The following SLC41A2 variants were observed in gnomAD, a reference collection of about 807,000 sequenced individuals.
SLC41A2 encodes the protein SLC41A1-like 1.
SLC41A2 carries 32 observed loss-of-function variants against 58.3 expected under a neutral mutation model. That is an observed-to-expected ratio of 0.55 (90% CI 0.41 to 0.74). The LOEUF (loss-of-function observed/expected upper bound fraction) is 0.74, where lower values mean the gene tolerates loss of function less well. Among genes scored for constraint, SLC41A2 ranks in the 30% least tolerant of loss-of-function variants. SLC41A2 has a pLI of 0.00. For missense variants in SLC41A2, 514 were observed against 680.6 expected, an observed-to-expected ratio of 0.76 and a Z score of 2.72; for synonymous variants, 190 against 235.0, an observed-to-expected ratio of 0.81 and a Z score of 1.75.
rs138718840 is a variant in SLC41A2, at chr12:104,834,285, G to A, written c.1536+10187C>T. Reference sequence around the variant, plus strand: ...TCACACATAACAAAAATGCAATCACGAGGCTGTTAAAAAATAATCTCAAAA... The same window carrying A: ...TCACACATAACAAAAATGCAATCACAAGGCTGTTAAAAAATAATCTCAAAA... On this transcript the variant is annotated intron_variant, in intron 10 of 10. Transcript: ENST00000258538. 430 of 606,894 alleles carry A rather than the reference G, an allele frequency of 7.1e-4. 1 individual carries two copies. Among genetic ancestry groups the A allele is most frequent in the Middle Eastern group, 6.3e-3 (8 of 1,260 alleles). The allele number at this position is 606,894 out of a possible 1,614,324, so 37.6% of individuals were successfully genotyped here. A position where few individuals can be genotyped will look rare whatever the true frequency, so the allele number is the denominator to read the frequency against.
At chr12:104,934,215 A>C (rs1348931056) in intron 1 of SLC41A2, among the ~76,000 whole-genome samples, 2 of 152,190 alleles carry the variant, frequency 1.3e-5, no homozygotes, top group African/African-American at 4.8e-5. Context: ...TAAGAAATAA[A>C]ATTGGGCAGT....
At chr12:104,903,559 T>C (rs1205169309) in intron 3 of SLC41A2, among the ~76,000 whole-genome samples, 2 of 152,208 alleles carry the variant, frequency 1.3e-5, no homozygotes, top group Non-Finnish European at 2.9e-5. Context: ...GGCTGAGAAT[T>C]TGTATTTCTA....
At chr12:104,944,496 T>C (rs187758028) in intron 1 of SLC41A2, among the ~76,000 whole-genome samples, 78 of 152,370 alleles carry the variant, frequency 5.1e-4, no homozygotes, top group African/African-American at 1.8e-3. Context: ...CACAGTATCA[T>C]GTTACTCAAT....
intron 1 of SLC41A2, among the ~76,000 whole-genome samples, chr12:104,930,246 T>C (rs1432195357): frequency 6.6e-6 from 1 of 152,218 alleles, no homozygotes; most frequent in East Asian, 1.9e-4. Context: ...TTGCCACTTA[T>C]AGGCTGGCCA....
chr12:104,843,342 C>T (rs1002649351), intron 10 of SLC41A2, among the ~76,000 whole-genome samples: 9 of 151,668 alleles, frequency 5.9e-5, no homozygotes, highest in African/African-American at 9.7e-5. Flanking sequence ...ATTAATTATT[C>T]GATAGGTGAC....
intron 10 of SLC41A2, among the ~76,000 whole-genome samples, chr12:104,821,062 C>A (rs1012821870): frequency 4.6e-5 from 7 of 152,176 alleles, no homozygotes; most frequent in Admixed American, 1.3e-4. Context: ...TTTCAGTGAA[C>A]AATGTGTACA....
chr12:104,915,570 T>A (rs1462881685), intron 2 of SLC41A2, among the ~76,000 whole-genome samples: 1 of 152,220 alleles, frequency 6.6e-6, no homozygotes, highest in African/African-American at 2.4e-5. Context: ...GCTCTCTGTT[T>A]GTCTGTTATT....
intron 3 of SLC41A2, among the ~76,000 whole-genome samples, chr12:104,904,549 C>G (rs531983605): frequency 3.3e-5 from 5 of 152,156 alleles, no homozygotes; most frequent in African/African-American, 1.2e-4. Flanking sequence ...TTGGTGGGTT[C>G]TTGGTCTCAC....
intron 2 of SLC41A2, among the ~76,000 whole-genome samples, chr12:104,920,514 T>C (rs1319429665): frequency 6.6e-6 from 1 of 151,556 alleles, no homozygotes; most frequent in Non-Finnish European, 1.5e-5. Flanking sequence ...ACAGAATGGA[T>C]CAAGCAGAAG....
intron 10 of SLC41A2, among the ~76,000 whole-genome samples, chr12:104,816,849 G>A (rs1327560955): frequency 6.6e-6 from 1 of 152,146 alleles, no homozygotes; most frequent in Non-Finnish European, 1.5e-5. Flanking sequence ...ATTGGTTGCA[G>A]GACCCCCCTC....
chr12:104,872,800 G>A (rs1330581579), intron 6 of SLC41A2, among the ~76,000 whole-genome samples: 1 of 152,178 alleles, frequency 6.6e-6, no homozygotes, highest in Non-Finnish European at 1.5e-5. Context: ...GTACATGTAT[G>A]AAAGCTAACA....
intron 2 of SLC41A2, among the ~76,000 whole-genome samples, chr12:104,919,713 T>C (rs2046502522): frequency 6.6e-6 from 1 of 152,250 alleles, no homozygotes; most frequent in Non-Finnish European, 1.5e-5. Flanking sequence ...ATTTAAGAGT[T>C]CTTACATATA....
At chr12:104,921,534 T>G (rs1444679899) in intron 2 of SLC41A2, among the ~76,000 whole-genome samples, 1 of 150,166 alleles carries the variant, frequency 6.7e-6, no homozygotes, top group African/African-American at 2.4e-5. Flanking sequence ...CCAAGAATAC[T>G]ATAACCAGCA....
chr12:104,942,666 C>CA (rs964093020), intron 1 of SLC41A2, among the ~76,000 whole-genome samples: 5 of 152,040 alleles, frequency 3.3e-5, no homozygotes, highest in Non-Finnish European at 7.4e-5. Flanking sequence ...ATTGAGCCAG[C>CA]TTTTTTTACT....
At chr12:104,893,810 T>C (rs2045138785) in intron 4 of SLC41A2, among the ~76,000 whole-genome samples, 2 of 152,042 alleles carry the variant, frequency 1.3e-5, no homozygotes, top group South Asian at 4.1e-4. Flanking sequence ...ATCAAAACAA[T>C]TGAACTCATG....
At chr12:104,864,911 AT>A (rs1168554358) in intron 7 of SLC41A2, among the ~76,000 whole-genome samples, 3 of 150,378 alleles carry the variant, frequency 2.0e-5, no homozygotes, top group Non-Finnish European at 3.0e-5. Context: ...CTTGAGTACT[AT>A]TTTTTTTTCC....
intron 10 of SLC41A2, among the ~76,000 whole-genome samples, chr12:104,824,057 G>A (rs549844295): frequency 1.7e-4 from 26 of 152,160 alleles, no homozygotes; most frequent in Non-Finnish European, 2.9e-4. Context: ...AAATGATACG[G>A]AAGAGGTGAA....
chr12:104,891,624 T>G (rs1349888686), intron 4 of SLC41A2, among the ~76,000 whole-genome samples: 1 of 151,600 alleles, frequency 6.6e-6, no homozygotes, highest in East Asian at 1.9e-4. Flanking sequence ...TCTAATACAA[T>G]AATGATATTT....
intron 1 of SLC41A2, among the ~76,000 whole-genome samples, chr12:104,949,093 C>T (rs973702056): frequency 3.3e-5 from 5 of 152,080 alleles, no homozygotes; most frequent in African/African-American, 1.2e-4. Flanking sequence ...TGGTGCATGC[C>T]TGTAATCCCA....
Sources: allele counts gnomAD v4.1 joint callset (sites outside exome capture counted in the v4.1 genomes callset), GRCh38; gene constraint gnomAD v4.1.1; transcripts MANE v1.5; gene names NCBI Gene and HGNC (gene_info 2026-07-23, HGNC 2026-07-21).